Variants in LRRC7 observed in about 807,000 individuals in gnomAD.
LRRC7 encodes leucine-rich repeat-containing protein 7.
LRRC7 carries 23 observed loss-of-function variants against 175.7 expected under a neutral mutation model. The observed-to-expected ratio is 0.13, with a 90% CI of 0.09 to 0.19. The LOEUF (loss-of-function observed/expected upper bound fraction) is 0.19. Among genes scored for constraint, LRRC7 ranks in the 10% least tolerant of loss-of-function variants. The pLI is 1.00. For missense variants in LRRC7, 1,354 were observed against 1,904.7 expected (o/e 0.71, Z 5.38); for synonymous variants, 685 against 680.9 (o/e 1.01, Z -0.09).
rs1251260087 is a variant in LRRC7, at chr1:70,134,187, C to G, written c.*12300C>G. Among the ~76,000 whole-genome samples, 2 of 152,148 alleles carry G rather than the reference C, an allele frequency of 1.3e-5. No individual in the cohort carries two copies. The highest frequency in any genetic ancestry group is 2.9e-5 in the Non-Finnish European group (2 of 68,020). The stretch of plus-strand genomic sequence containing the variant: ...TATTTCGAAATGTATTTCAAAATGT[C>G]TCTCACAAAGTGATCATTGGATTCC... On this transcript the variant is annotated 3_prime_UTR_variant, in exon 27 of 27. Transcript: ENST00000651989.
At chr1:69,726,004 T>A (rs1285905496) in intron 2 of LRRC7, among the ~76,000 whole-genome samples, 1 of 152,228 alleles carries the variant, frequency 6.6e-6, no homozygotes, top group African/African-American at 2.4e-5. Flanking sequence ...AGTTTAGTTG[T>A]TTAAACTAAA....
chr1:70,117,738 G>A (rs1474027155), intron 26 of LRRC7, among the ~76,000 whole-genome samples: 1 of 151,748 alleles, frequency 6.6e-6, no homozygotes, highest in East Asian at 1.9e-4. Context: ...TGTTTTCTTG[G>A]TAACTTCATT....
At chr1:70,050,673 T>C (rs1041179863) in intron 22 of LRRC7, among the ~76,000 whole-genome samples, 33 of 152,064 alleles carry the variant, frequency 2.2e-4, no homozygotes, top group Admixed American at 3.9e-4. Context: ...TTTAACATTT[T>C]TCAGTAGCTC....
intron 5 of LRRC7, among the ~76,000 whole-genome samples, chr1:69,828,178 T>C (rs770720334): frequency 8.5e-5 from 13 of 152,164 alleles, no homozygotes; most frequent in Non-Finnish European, 1.8e-4. Context: ...TGTACCTCAG[T>C]TGATAGGCAT....
At chr1:69,729,710 G>A (rs1378717420) in intron 2 of LRRC7, among the ~76,000 whole-genome samples, 1 of 152,140 alleles carries the variant, frequency 6.6e-6, no homozygotes, top group African/African-American at 2.4e-5. Flanking sequence ...CCAGGCACAT[G>A]GTACAAGCTA....
intron 21 of LRRC7, among the ~76,000 whole-genome samples, chr1:70,043,287 G>A (rs1660070292): frequency 6.6e-6 from 1 of 151,954 alleles, no homozygotes; most frequent in Admixed American, 6.6e-5. Context: ...AATTTCTTTA[G>A]TTTAAAATAT....
intron 8 of LRRC7, among the ~76,000 whole-genome samples, chr1:69,950,841 GC>G (rs1417882265): frequency 6.6e-6 from 1 of 152,056 alleles, no homozygotes; most frequent in Non-Finnish European, 1.5e-5. Flanking sequence ...CTGCTATGTT[GC>G]TTTTAGTTGT....
At chr1:69,897,976 G>A (rs973624765) in intron 7 of LRRC7, among the ~76,000 whole-genome samples, 52 of 152,200 alleles carry the variant, frequency 3.4e-4, no homozygotes, top group Non-Finnish European at 1.6e-4. Flanking sequence ...ATTATAGCGG[G>A]CACAATGGAA....
chr1:70,121,828 C>T lies in LRRC7; in HGVS notation c.4669C>T (p.Leu1557=). ...TATGGAACATGAAAAAGCTGTATTA[C>T]TACTGAAGAGTTTCCAGAACACAGT... ...VHMEHEKAVL[L]LKSFQNTVDL... is the part of the protein sequence containing the mutation. The change falls in exon 27 of 27, where the codon CTA becomes TTA. Residue 1557 remains leucine (L), a synonymous_variant. Transcript: ENST00000651989. The T allele has an allele frequency of 6.2e-7, 1 of 1,612,696 alleles. No individual in the cohort carries two copies. The highest frequency in any genetic ancestry group is 1.1e-5 in the South Asian group (1 of 91,012).
At chr1:70,036,659 G>C (rs963143083) in intron 20 of LRRC7, 35 bp downstream of exon 20, 1 of 1,556,986 alleles carries the variant, frequency 6.4e-7, no homozygotes, top group African/African-American at 1.4e-5. Context: ...GTTCCCAAAC[G>C]TTTATTTTCA....
In LRRC7 at chr1:70,135,260, T is replaced by C. The variant is rs896931208; in HGVS notation, c.*13373T>C. On this transcript the variant is annotated 3_prime_UTR_variant, in exon 27 of 27. Coordinates refer to ENST00000651989, the MANE Select transcript of LRRC7 (RefSeq NM_001370785.2). ...AGTGCTTGCTATCCAGCCACTAGCA[T>C]AGTTCCCCAGGAGCAGGCTATGATC... Among the ~76,000 whole-genome samples the C allele has an allele frequency of 2.0e-5, 3 of 152,196 alleles. No individual in the cohort carries two copies. The highest frequency in any genetic ancestry group is 7.2e-5 in the African/African-American group (3 of 41,454).
intron 2 of LRRC7, among the ~76,000 whole-genome samples, chr1:69,698,246 G>A (rs564723111): frequency 7.9e-5 from 12 of 152,166 alleles, no homozygotes; most frequent in Non-Finnish European, 1.5e-4. Flanking sequence ...GGATTAAAGT[G>A]CAATCGAGAG....
At chr1:70,003,573 A>G (rs1347420198) in intron 11 of LRRC7, among the ~76,000 whole-genome samples, 1 of 152,234 alleles carries the variant, frequency 6.6e-6, no homozygotes, top group East Asian at 1.9e-4. Context: ...TATTGAGAAA[A>G]GTACAAAGAA....
At chr1:69,617,563 A>AAAAAAAAAAAAT (rs1557491914) in intron 1 of LRRC7, among the ~76,000 whole-genome samples, 1 of 150,074 alleles carries the variant, frequency 6.7e-6, no homozygotes, top group Non-Finnish European at 1.5e-5. Context: ...AAAAAAAAAA[A>AAAAAAAAAAAAT]AAAAAAAAAT....
At chr1:69,700,630 G>A (rs1358327608) in intron 2 of LRRC7, among the ~76,000 whole-genome samples, 1 of 152,132 alleles carries the variant, frequency 6.6e-6, no homozygotes, top group Non-Finnish European at 1.5e-5. Context: ...AATGACGTAG[G>A]AGCTTAGAAA....
chr1:69,749,967 A>G (rs1273715510), intron 2 of LRRC7, among the ~76,000 whole-genome samples: 1 of 151,972 alleles, frequency 6.6e-6, no homozygotes, highest in African/African-American at 2.4e-5. Context: ...AGGCTGAGGC[A>G]GGGGAATCGC....
chr1:69,645,457 C>A (rs1312119079), intron 1 of LRRC7, among the ~76,000 whole-genome samples: 1 of 151,948 alleles, frequency 6.6e-6, no homozygotes, highest in African/African-American at 2.4e-5. Flanking sequence ...TATGGAATTG[C>A]AATTAGTTAA....
rs1431007484 is a variant in LRRC7 at position 69,699,688 on chromosome 1, CCTCCAGGCAGCTTTA to C, written c.100+21213_100+21227del. Among the ~76,000 whole-genome samples the C allele has an allele frequency of 4.0e-5, 6 of 150,582 alleles. No individual in the cohort carries two copies. In the East Asian group the frequency reaches 9.7e-4, roughly 24 times the overall value. ...TTTTTGCCTGTGGGGTTCACGTGTC[CCTCCAGGCAGCTTTA>C]CTGAACAGGGCCAAAGATGGCCCCA... On this transcript the variant is annotated intron_variant, in intron 2 of 26. Transcript: ENST00000651989.
intron 1 of LRRC7, among the ~76,000 whole-genome samples, chr1:69,664,441 C>T (rs1313650366): frequency 1.3e-5 from 2 of 152,134 alleles, no homozygotes; most frequent in Non-Finnish European, 2.9e-5. Context: ...TACGAGGACT[C>T]CCATTTCTCC....
Sources: gnomAD v4.1 joint callset for allele counts (sites outside exome capture counted in the v4.1 genomes callset) on GRCh38, gnomAD v4.1.1 for gene constraint, MANE v1.5 for transcripts, NCBI Gene and HGNC (gene_info 2026-07-23, HGNC 2026-07-21) for gene names.